RBFOX1: variants seen among roughly 807,000 people sequenced by gnomAD.
The protein encoded by RBFOX1 is RNA binding protein fox-1 homolog 1.
A neutral mutation model predicts 57.7 loss-of-function variants in RBFOX1; 8 were observed. The observed-to-expected ratio is 0.14, with a 90% CI of 0.08 to 0.25. RBFOX1 has a LOEUF of 0.25. Among genes scored for constraint, RBFOX1 ranks in the 10% least tolerant of loss-of-function variants. RBFOX1 has a pLI of 1.00. For synonymous variants in RBFOX1, 326 were observed against 222.4 expected (o/e 1.47, Z -4.15); for missense variants, 611 against 548.5 (o/e 1.11, Z -1.14).
chr16:5,260,513 A>G (rs1182870525), intron 1 of RBFOX1, among the ~76,000 whole-genome samples: 1 of 152,240 alleles, frequency 6.6e-6, no homozygotes, highest in Non-Finnish European at 1.5e-5. Flanking sequence ...ACTCAGATAA[A>G]TGTAGTTTTT....
chr16:7,100,821 G>A (rs1031314756), intron 4 of RBFOX1, among the ~76,000 whole-genome samples: 1 of 152,120 alleles, frequency 6.6e-6, no homozygotes, highest in African/African-American at 2.4e-5. Flanking sequence ...AACTAAAAAT[G>A]TGTTGTCAAA....
chr16:7,402,703 C>T (rs902927800), intron 4 of RBFOX1, among the ~76,000 whole-genome samples: 1 of 152,138 alleles, frequency 6.6e-6, no homozygotes, highest in Non-Finnish European at 1.5e-5. Context: ...CCACTGGCAC[C>T]TAATATGGTA....
At position 7,031,424 on chromosome 16, in the gene RBFOX1, C is replaced by T. The variant is rs531181710; in HGVS notation, c.-15-20633C>T. 3.3e-5 allele frequency among the ~76,000 whole-genome samples: 5 copies of T among 151,950 alleles called. 1 individual carries two copies. In the East Asian group the frequency reaches 5.8e-4, roughly 18 times the overall value. ...CAGCCTGGCTAACATGGTGAAACCC[C>T]GTCTCTACTAAAAATACAAAAATTA... On this transcript the variant is annotated intron_variant, in intron 3 of 15. Coordinates refer to ENST00000550418, the MANE Select transcript of RBFOX1 (RefSeq NM_018723.4).
intron 4 of RBFOX1, among the ~76,000 whole-genome samples, chr16:7,195,211 G>A (rs933955068): frequency 6.6e-6 from 1 of 152,194 alleles, no homozygotes; most frequent in Non-Finnish European, 1.5e-5. Context: ...CATGGACTGA[G>A]TTTCCCAGAA....
At chr16:7,260,421 A>G (rs1283915662) in intron 4 of RBFOX1, among the ~76,000 whole-genome samples, 7 of 152,158 alleles carry the variant, frequency 4.6e-5, no homozygotes, top group Non-Finnish European at 1.5e-5. Flanking sequence ...ACCAAAGATC[A>G]CCCACAAAGC....
intron 4 of RBFOX1, among the ~76,000 whole-genome samples, chr16:5,967,200 G>C (rs1272729892): frequency 6.6e-6 from 1 of 152,064 alleles, no homozygotes; most frequent in African/African-American, 2.4e-5. Flanking sequence ...AAAAACATTT[G>C]CCAGTCCCAG....
chr16:6,211,787 A>T (rs1027873641), intron 1 of RBFOX1, among the ~76,000 whole-genome samples: 3 of 152,068 alleles, frequency 2.0e-5, no homozygotes, highest in Admixed American at 1.3e-4. Flanking sequence ...CCTATCAAAT[A>T]AATAACATTC....
intron 2 of RBFOX1, among the ~76,000 whole-genome samples, chr16:6,495,679 G>A (rs2153155578): frequency 6.6e-6 from 1 of 152,228 alleles, no homozygotes; most frequent in East Asian, 1.9e-4. Flanking sequence ...ATGGCTTTTG[G>A]ATCTCCAAGA....
At chr16:5,395,395 G>A (rs928116697) in intron 1 of RBFOX1, among the ~76,000 whole-genome samples, 2 of 152,326 alleles carry the variant, frequency 1.3e-5, no homozygotes, top group Non-Finnish European at 2.9e-5. Context: ...TCCTAGAGAG[G>A]CCAGTGATGG....
At chr16:7,077,869 T>G (rs557060324) in intron 4 of RBFOX1, among the ~76,000 whole-genome samples, 3 of 152,334 alleles carry the variant, frequency 2.0e-5, no homozygotes, top group African/African-American at 7.2e-5. Flanking sequence ...CATTAGCTAC[T>G]TTGTATCCCT....
chr16:7,084,998 G>C (rs144149718), intron 4 of RBFOX1, among the ~76,000 whole-genome samples: 1,631 of 152,094 alleles, frequency 0.011, 16 homozygotes, highest in Non-Finnish European at 0.016. Context: ...ATCCATCCAT[G>C]CATCCCACTA....
At chr16:6,698,064 C>G (rs2061316110) in intron 3 of RBFOX1, among the ~76,000 whole-genome samples, 1 of 152,174 alleles carries the variant, frequency 6.6e-6, no homozygotes. Context: ...TGCACACTGT[C>G]TGTGAATTTG....
chr16:7,176,437 C>T (rs920760705), intron 4 of RBFOX1, among the ~76,000 whole-genome samples: 1 of 151,794 alleles, frequency 6.6e-6, no homozygotes, highest in Admixed American at 6.6e-5. Context: ...TAGATATGTA[C>T]GAGGTATCTA....
At chr16:7,170,142 G>A (rs1410252298) in intron 4 of RBFOX1, among the ~76,000 whole-genome samples, 1 of 152,150 alleles carries the variant, frequency 6.6e-6, no homozygotes, top group Non-Finnish European at 1.5e-5. Flanking sequence ...CTTATGTTTT[G>A]CACAGACAGA....
chr16:7,483,980 G>C (rs559933068), intron 4 of RBFOX1, among the ~76,000 whole-genome samples: 1 of 152,114 alleles, frequency 6.6e-6, no homozygotes. Flanking sequence ...GTTTCCTTAC[G>C]CTTTATTTTC....
chr16:7,613,699 A>G (rs986869023), intron 10 of RBFOX1, among the ~76,000 whole-genome samples: 4 of 152,188 alleles, frequency 2.6e-5, no homozygotes, highest in African/African-American at 4.8e-5. Context: ...AAGAAGGTCT[A>G]TGAAGGCTCC....
chr16:5,929,607 A>T (rs2059006645), intron 4 of RBFOX1, among the ~76,000 whole-genome samples: 1 of 152,238 alleles, frequency 6.6e-6, no homozygotes, highest in Non-Finnish European at 1.5e-5. Flanking sequence ...TGCTGGTAAC[A>T]ATATGGATCA....
At chr16:6,640,863 C>G (rs931810834) in intron 2 of RBFOX1, among the ~76,000 whole-genome samples, 20 of 152,048 alleles carry the variant, frequency 1.3e-4, no homozygotes, top group Non-Finnish European at 1.5e-4. Context: ...GGATTAAGGC[C>G]AAGACCCAAA....
Position 6,635,020 on chromosome 16 carries a change from C to T in RBFOX1, c.-63-19583C>T, listed in dbSNP as rs1282508150. Among the ~76,000 whole-genome samples the T allele has an allele frequency of 2.8e-5, 4 of 141,372 alleles. No homozygotes were observed. The South Asian group carries it at 6.7e-4, about 24-fold the overall frequency. 92.7% of individuals were successfully genotyped at this position (141,372 alleles called of 152,430 possible). On this transcript the variant is annotated intron_variant, in intron 2 of 15. Coordinates refer to ENST00000550418, the MANE Select transcript of RBFOX1 (RefSeq NM_018723.4). ...TGTAATATAATACTTTATTATGTTA[C>T]ACAAATTATATATGACATGCATATT...
Sources: allele counts gnomAD v4.1 joint callset (sites outside exome capture counted in the v4.1 genomes callset), GRCh38; gene constraint gnomAD v4.1.1; transcripts MANE v1.5; gene names NCBI Gene and HGNC (gene_info 2026-07-23, HGNC 2026-07-21).